The following DNAJC15 variants were observed in gnomAD, a reference collection of about 807,000 sequenced individuals.
The protein encoded by DNAJC15 is dnaJ homolog subfamily C member 15.
Under a neutral mutation model 22.4 loss-of-function variants are expected in DNAJC15, and 27 were observed. The ratio of observed to expected loss-of-function variants is 1.20; its 90% CI spans 0.89 to 1.66. The LOEUF (loss-of-function observed/expected upper bound fraction) is 1.66. Ranked by LOEUF, DNAJC15 falls within the 40% of genes most tolerant of loss-of-function variation. The pLI, the probability that DNAJC15 is intolerant of heterozygous loss-of-function variation, is 0.00. For missense variants in DNAJC15, 208 were observed against 187.1 expected (o/e 1.11, Z -0.65); for synonymous variants, 79 against 63.2 (o/e 1.25, Z -1.19).
In DNAJC15 at chr13:43,085,909, A is replaced by AT. The variant is rs71813178; in HGVS notation, c.382+72dup. On this transcript the variant is annotated intron_variant, in intron 5 of 5. Coordinates refer to ENST00000379221, the MANE Select transcript of DNAJC15 (RefSeq NM_013238.3). ...TGTGAATTCCTTTCAGATTAAAGTCATATATGATATATAGTTGAGATGGAA... is the reference window on the plus strand; with the variant it reads ...TGTGAATTCCTTTCAGATTAAAGTCATTATATGATATATAGTTGAGATGGAA... The AT allele has an allele frequency of 1.9e-4, 240 of 1,278,692 alleles. No individual in the cohort carries two copies. The East Asian group carries it at 4.8e-3, about 26-fold the overall frequency. 79.2% of individuals were successfully genotyped at this position (1,278,692 alleles called of 1,614,324 possible).
At chr13:43,047,703 C>G (rs1351047556) in intron 1 of DNAJC15, among the ~76,000 whole-genome samples, 1 of 152,270 alleles carries the variant, frequency 6.6e-6, no homozygotes, top group East Asian at 1.9e-4. Flanking sequence ...CATGGACTTT[C>G]CATAGCAGCC....
Position 43,111,807 on chromosome 13 carries a change from C to T in DNAJC15, c.*4559C>T, listed in dbSNP as rs2657103. On this transcript the variant is annotated 3_prime_UTR_variant, in exon 6 of 6. Coordinates refer to ENST00000379221, the MANE Select transcript of DNAJC15 (RefSeq NM_013238.3). ...GAATGAGTAAATGTGTCAGCATAGT[C>T]CGTCCCTTCTAATGGAAAAGCAACC... 1.3e-5 allele frequency: 2 copies of T among 152,192 alleles called. No homozygotes were observed. Among genetic ancestry groups the T allele is most frequent in the Admixed American group, 6.5e-5 (1 of 15,274 alleles). 9.4% of individuals were successfully genotyped at this position (152,192 alleles called of 1,614,324 possible).
intron 1 of DNAJC15, among the ~76,000 whole-genome samples, chr13:43,029,919 A>T (rs1033460572): frequency 1.1e-4 from 16 of 152,204 alleles, no homozygotes; most frequent in African/African-American, 3.9e-4. Context: ...TAACAAATGA[A>T]TGAAACCAAC....
At chr13:43,032,507 C>T (rs1471594051) in intron 1 of DNAJC15, among the ~76,000 whole-genome samples, 1 of 152,168 alleles carries the variant, frequency 6.6e-6, no homozygotes, top group Non-Finnish European at 1.5e-5. Context: ...CTTGGAATAT[C>T]ATTTCCATGC....
chr13:43,026,456 C>G (rs1361600661), intron 1 of DNAJC15, among the ~76,000 whole-genome samples: 1 of 152,160 alleles, frequency 6.6e-6, no homozygotes, highest in African/African-American at 2.4e-5. Context: ...CACGTACTTT[C>G]AGAATGTCCC....
At chr13:43,104,383 T>C (rs181945461) in intron 5 of DNAJC15, among the ~76,000 whole-genome samples, 90 of 152,332 alleles carry the variant, frequency 5.9e-4, no homozygotes, top group South Asian at 2.9e-3. Flanking sequence ...ATTTCCGTTA[T>C]CTCCAGGATC....
At chr13:43,034,550 A>T (rs202076870) in intron 1 of DNAJC15, among the ~76,000 whole-genome samples, 4 of 151,688 alleles carry the variant, frequency 2.6e-5, no homozygotes, top group East Asian at 2.0e-4. Flanking sequence ...CTCCTGACCT[A>T]GTGATCCGCC....
chr13:43,028,660 T>C (rs2040391406), intron 1 of DNAJC15, among the ~76,000 whole-genome samples: 1 of 152,220 alleles, frequency 6.6e-6, no homozygotes, highest in Admixed American at 6.5e-5. Flanking sequence ...TACATTGCAC[T>C]GTACCCTGTA....
intron 1 of DNAJC15, among the ~76,000 whole-genome samples, chr13:43,057,198 T>C (rs2153440500): frequency 6.6e-6 from 1 of 152,334 alleles, no homozygotes; most frequent in Non-Finnish European, 1.5e-5. Context: ...CTCAAATACA[T>C]TTTCTAAACT....
At chr13:43,080,738 T>C (rs1201542390) in intron 4 of DNAJC15, among the ~76,000 whole-genome samples, 1 of 152,260 alleles carries the variant, frequency 6.6e-6, no homozygotes, top group Non-Finnish European at 1.5e-5. Flanking sequence ...AATGATATGA[T>C]GATACCTTTT....
intron 1 of DNAJC15, among the ~76,000 whole-genome samples, chr13:43,050,208 C>T (rs898599674): frequency 1.3e-5 from 2 of 152,216 alleles, no homozygotes; most frequent in South Asian, 2.1e-4. Flanking sequence ...GCATGAGCCA[C>T]TCTGCCCGGC....
chr13:43,033,397 A>T (rs2153439508), intron 1 of DNAJC15, among the ~76,000 whole-genome samples: 1 of 152,268 alleles, frequency 6.6e-6, no homozygotes, highest in African/African-American at 2.4e-5. Flanking sequence ...AGCCTGGGTG[A>T]CAGAGTGAGA....
At chr13:43,056,145 GTT>G in intron 1 of DNAJC15, among the ~76,000 whole-genome samples, 1 of 149,202 alleles carries the variant, frequency 6.7e-6, no homozygotes, top group African/African-American at 2.5e-5. Context: ...ATTGAGACTT[GTT>G]TTTTAATTTT....
At chr13:43,051,634 G>GGTGTGTGTGTGTGTGTGTGTGTGT (rs57271276) in intron 1 of DNAJC15, among the ~76,000 whole-genome samples, 6 of 133,056 alleles carry the variant, frequency 4.5e-5, no homozygotes, top group African/African-American at 1.6e-4. Flanking sequence ...AGTACTTCAT[G>GGTGTGTGTGTGTGTGTGTGTGTGT]GTGTGTGTGT....
In DNAJC15 at chr13:43,110,429, C is replaced by T. The variant is rs1415843283; in HGVS notation, c.*3181C>T. ...AGAGAGGACTGAAGGAATCAGTGCT[C>T]ATCTTTAATATGCAGCAGGACAGGT... On this transcript the variant is annotated 3_prime_UTR_variant, in exon 6 of 6. Coordinates refer to ENST00000379221, the MANE Select transcript of DNAJC15 (RefSeq NM_013238.3). The T allele has an allele frequency of 2.6e-5, 4 of 152,190 alleles. No individual in the cohort carries two copies. The highest frequency in any genetic ancestry group is 4.8e-5 in the African/African-American group (2 of 41,436). 9.4% of individuals were successfully genotyped at this position (152,190 alleles called of 1,614,324 possible).
intron 1 of DNAJC15, among the ~76,000 whole-genome samples, chr13:43,031,175 C>A (rs572186686): frequency 6.6e-6 from 1 of 152,190 alleles, no homozygotes; most frequent in African/African-American, 2.4e-5. Context: ...GGAGGCAGAT[C>A]ATTGGAATAA....
In DNAJC15 at chr13:43,107,214, C is replaced by T; in HGVS notation, c.419C>T (p.Ala140Val). 1.3e-6 allele frequency: 2 copies of T among 1,575,078 alleles called. No homozygotes were observed. The highest frequency in any genetic ancestry group is 1.2e-5 in the South Asian group (1 of 85,464). Residue 140 changes from alanine (A) to valine (V), a missense_variant, in exon 6 of 6, where the codon GCA becomes GTA. By Grantham distance (64) the Ala-to-Val change is moderately conservative. Transcript: ENST00000379221. The stretch of plus-strand genomic sequence containing the variant: ...TACGTAGCAGCCAAAATAAATGAAG[C>T]AAAAGACTTGCTAGAAACAACCACC... ...SPYVAAKINEAKDLLETTTKH is the reference protein window; with the variant it reads ...SPYVAAKINEVKDLLETTTKH
chr13:43,112,406 C>T lies in DNAJC15; in HGVS notation c.*5158C>T, dbSNP rs985904995. On this transcript the variant is annotated 3_prime_UTR_variant, in exon 6 of 6. Coordinates refer to ENST00000379221, the MANE Select transcript of DNAJC15 (RefSeq NM_013238.3). ...TAATTTCACACGGGTGGAATATGAT[C>T]ACTCAGGCTAGATGTTGGCCATAAA... is the stretch of plus-strand genomic sequence containing the variant. 4.4e-4 allele frequency: 67 copies of T among 152,152 alleles called. 3 individuals are homozygous for T. The highest frequency in any genetic ancestry group is 1.5e-5 in the Non-Finnish European group (1 of 68,030). The allele number at this position is 152,152 out of a possible 1,614,324, so 9.4% of individuals were successfully genotyped here.
intron 4 of DNAJC15, among the ~76,000 whole-genome samples, chr13:43,084,239 TTTA>T (rs1390523186): frequency 1.3e-5 from 2 of 152,236 alleles, no homozygotes; most frequent in Non-Finnish European, 1.5e-5. Flanking sequence ...TTATTTACAC[TTTA>T]TTTTCAAAAT....
Sources: gnomAD v4.1 joint callset for allele counts (sites outside exome capture counted in the v4.1 genomes callset) on GRCh38, gnomAD v4.1.1 for gene constraint, MANE v1.5 for transcripts, NCBI Gene and HGNC (gene_info 2026-07-23, HGNC 2026-07-21) for gene names.